The following CFDP1 variants were observed in gnomAD, a reference collection of about 807,000 sequenced individuals.
The protein encoded by CFDP1 is heterochromatin-stabilizing protein CFDP1.
CFDP1 carries 31 observed loss-of-function variants against 40.1 expected under a neutral mutation model. The observed-to-expected ratio is 0.77, with a 90% CI of 0.58 to 1.04. CFDP1 has a LOEUF of 1.04. Ranked by LOEUF, CFDP1 falls within the 50% of genes least tolerant of loss-of-function variation. The pLI is 0.00. For synonymous variants in CFDP1, 167 were observed against 120.0 expected (o/e 1.39, Z -2.56); for missense variants, 423 against 343.4 (o/e 1.23, Z -1.83).
intron 4 of CFDP1, among the ~76,000 whole-genome samples, chr16:75,407,097 GGTGGGAGGCTGAC>G (rs532588751): frequency 6.4e-4 from 97 of 152,246 alleles, no homozygotes; most frequent in African/African-American, 2.3e-3. Context: ...GGGAGGCTGT[GGTGGGAGGCTGAC>G]GTGGGAGGAT....
chr16:75,411,782 T>C (rs1429002927), intron 4 of CFDP1, 43 bp downstream of exon 4: 1 of 1,582,740 alleles, frequency 6.3e-7, no homozygotes, highest in Non-Finnish European at 8.6e-7. Context: ...GAGACGCTCA[T>C]TTTTGAAAAT....
chr16:75,397,115 C>T (rs369677827), intron 4 of CFDP1, among the ~76,000 whole-genome samples: 45 of 151,946 alleles, frequency 3.0e-4, no homozygotes, highest in South Asian at 4.2e-4. Flanking sequence ...GGGGTTTCAC[C>T]GTGTTAGCCA....
At chr16:75,394,789 C>A (rs759753678) in intron 5 of CFDP1, 11 of 183,706 alleles carry the variant, frequency 6.0e-5, no homozygotes, top group Admixed American at 2.4e-4. Context: ...TCAGCCTCCA[C>A]AGTAGCTAGG....
At chr16:75,362,394 T>C (rs746193230) in intron 5 of CFDP1, among the ~76,000 whole-genome samples, 6 of 152,076 alleles carry the variant, frequency 3.9e-5, no homozygotes, top group Non-Finnish European at 8.8e-5. Flanking sequence ...CTTTGAGGAG[T>C]CAACCTCCCG....
intron 5 of CFDP1, among the ~76,000 whole-genome samples, chr16:75,384,931 T>C (rs2078882335): frequency 6.8e-6 from 1 of 146,802 alleles, no homozygotes; most frequent in Non-Finnish European, 1.5e-5. Flanking sequence ...TAAGTCCACT[T>C]TTGTTTTAAG....
chr16:75,315,510 AGAATTCCAGTATGGTCTGGTGAG>A (rs1207075822), intron 5 of CFDP1, among the ~76,000 whole-genome samples: 1 of 152,046 alleles, frequency 6.6e-6, no homozygotes, highest in Admixed American at 6.6e-5. Context: ...GTTATGTACA[AGAATTCCAGTATGGTCTGGTGAG>A]GAATTCCAAT....
intron 5 of CFDP1, among the ~76,000 whole-genome samples, chr16:75,390,836 C>T (rs891703048): frequency 1.3e-5 from 2 of 152,210 alleles, no homozygotes; most frequent in South Asian, 2.1e-4. Context: ...CACTCTTGCC[C>T]TTTCAGGCCT....
At chr16:75,410,094 C>T (rs372028092) in intron 4 of CFDP1, among the ~76,000 whole-genome samples, 1 of 69,776 alleles carries the variant, frequency 1.4e-5, no homozygotes, top group Non-Finnish European at 3.1e-5. Context: ...AAACCCAAAA[C>T]AAAAAAACTG....
chr16:75,426,222 T>G lies in CFDP1; in HGVS notation c.64+7067A>C, dbSNP rs137901055. On this transcript the variant is annotated intron_variant, in intron 1 of 6. Transcript: ENST00000283882. The stretch of plus-strand genomic sequence containing the variant: ...AAAATTAGCCAGGCGTGGTGGCACA[T>G]GCCTGCAATCCCAGCTACTCAGGAG... Among the ~76,000 whole-genome samples, 403 of 149,602 alleles carry G rather than the reference T, an allele frequency of 2.7e-3. 1 individual carries two copies. The highest frequency in any genetic ancestry group is 9.4e-3 in the African/African-American group (382 of 40,516).
intron 6 of CFDP1, among the ~76,000 whole-genome samples, chr16:75,300,254 G>A (rs1188101624): frequency 6.6e-6 from 1 of 152,124 alleles, no homozygotes; most frequent in Admixed American, 6.6e-5. Flanking sequence ...CTTGTGGGAT[G>A]TTGGTGGAAA....
At chr16:75,348,030 T>A (rs1315807067) in intron 5 of CFDP1, among the ~76,000 whole-genome samples, 1 of 152,164 alleles carries the variant, frequency 6.6e-6, no homozygotes, top group Admixed American at 6.5e-5. Context: ...GAAAATGGGT[T>A]TGGGTCCTGG....
chr16:75,392,391 C>CTT (rs2078959654), intron 5 of CFDP1, among the ~76,000 whole-genome samples: 1 of 150,728 alleles, frequency 6.6e-6, no homozygotes, highest in African/African-American at 2.4e-5. Flanking sequence ...GGAAACAGTG[C>CTT]GAGACTCCAA....
At chr16:75,378,744 C>T (rs1597366846) in intron 5 of CFDP1, among the ~76,000 whole-genome samples, 1 of 152,166 alleles carries the variant, frequency 6.6e-6, no homozygotes, top group East Asian at 1.9e-4. Context: ...CAGACACTGA[C>T]TGGCCGACAA....
intron 1 of CFDP1, among the ~76,000 whole-genome samples, chr16:75,429,078 C>T (rs1455421658): frequency 6.6e-6 from 1 of 151,776 alleles, no homozygotes; most frequent in African/African-American, 2.4e-5. Flanking sequence ...GATGCCACCA[C>T]TGCACTCTAG....
rs370090047 is a variant in CFDP1, at chr16:75,433,374, T to C, written c.-22A>G. ...CCATGTTGCTGCCGCTCGACGCTGGTCAAACTCACAAGACCGCAGCAGCCG... is the reference window on the plus strand; with the variant it reads ...CCATGTTGCTGCCGCTCGACGCTGGCCAAACTCACAAGACCGCAGCAGCCG... On this transcript the variant is annotated 5_prime_UTR_variant, in exon 1 of 7. Transcript: ENST00000283882. 1.1e-5 allele frequency: 18 copies of C among 1,579,250 alleles called. No individual in the cohort carries two copies. The highest frequency in any genetic ancestry group is 5.4e-5 in the African/African-American group (4 of 74,180).
intron 5 of CFDP1, among the ~76,000 whole-genome samples, chr16:75,369,965 G>C (rs1649011141): frequency 1.3e-5 from 2 of 152,076 alleles, no homozygotes; most frequent in South Asian, 4.2e-4. Flanking sequence ...GTAGAGACAG[G>C]GTTTCACCAT....
At chr16:75,375,301 A>G (rs779963890) in intron 5 of CFDP1, among the ~76,000 whole-genome samples, 7 of 152,200 alleles carry the variant, frequency 4.6e-5, no homozygotes, top group Non-Finnish European at 8.8e-5. Context: ...AATTCTTAGC[A>G]TTTACATCTG....
chr16:75,323,608 C>T (rs928416382), intron 5 of CFDP1, among the ~76,000 whole-genome samples: 8 of 152,046 alleles, frequency 5.3e-5, no homozygotes, highest in Admixed American at 4.6e-4. Context: ...TGGTGAAACC[C>T]GATCTCTACT....
At chr16:75,420,068 G>A (rs1054721889) in intron 1 of CFDP1, among the ~76,000 whole-genome samples, 3 of 134,934 alleles carry the variant, frequency 2.2e-5, no homozygotes, top group Non-Finnish European at 3.0e-5. Context: ...CTTGAGCCCA[G>A]GAATTTGAGT....
Sources: allele counts gnomAD v4.1 joint callset (sites outside exome capture counted in the v4.1 genomes callset), GRCh38; gene constraint gnomAD v4.1.1; transcripts MANE v1.5; gene names NCBI Gene and HGNC (gene_info 2026-07-23, HGNC 2026-07-21).